The following UBR3 variants were observed in gnomAD, a reference collection of about 807,000 sequenced individuals.
UBR3 encodes E3 ubiquitin-protein ligase UBR3.
A neutral mutation model predicts 243.2 loss-of-function variants in UBR3; 85 were observed. The observed-to-expected ratio is 0.35, with a 90% confidence interval of 0.29 to 0.42. UBR3 has a LOEUF of 0.42. Among genes scored for constraint, UBR3 ranks in the 10% least tolerant of loss-of-function variants. The pLI is 1.00. For synonymous variants in UBR3, 748 were observed against 799.8 expected, an observed-to-expected ratio of 0.94 and a Z score of 1.09; for missense variants, 1,686 against 2,300.8, an observed-to-expected ratio of 0.73 and a Z score of 5.47.
intron 10 of UBR3, among the ~76,000 whole-genome samples, chr2:169,908,460 A>G (rs1207576563): frequency 6.6e-6 from 1 of 152,202 alleles, no homozygotes; most frequent in Non-Finnish European, 1.5e-5. Context: ...AGAAACTGTC[A>G]TATAATATGA....
intron 23 of UBR3, among the ~76,000 whole-genome samples, chr2:169,958,232 T>C (rs531702840): frequency 2.4e-4 from 36 of 152,350 alleles, no homozygotes; most frequent in Admixed American, 1.2e-3. Context: ...TTTTTATCTA[T>C]TAAACCAGTG....
intron 21 of UBR3, 118 bp downstream of exon 21, chr2:169,946,510 G>A: frequency 2.3e-6 from 1 of 430,650 alleles, no homozygotes; most frequent in Non-Finnish European, 4.2e-6. Context: ...TTAGGAAAAT[G>A]TATTTGTGAA....
intron 1 of UBR3, among the ~76,000 whole-genome samples, chr2:169,853,123 A>G (rs1298876936): frequency 1.3e-5 from 2 of 152,182 alleles, no homozygotes; most frequent in African/African-American, 4.8e-5. Context: ...TTTGAATTCC[A>G]GTTTGAAAGG....
At position 170,045,327 on chromosome 2, in the gene UBR3, AGGGAGTTAAAATTAT is replaced by A. The variant is rs537695400; in HGVS notation, c.4660+4356_4660+4370del. Among the ~76,000 whole-genome samples, 105 of 152,218 alleles carry A rather than the reference AGGGAGTTAAAATTAT, an allele frequency of 6.9e-4. 2 individuals are homozygous for A. The South Asian group carries it at 0.021, about 31-fold the overall frequency. ...CCCACTGGGTCCCTCCCACAACACG[AGGGAGTTAAAATTAT>A]GGGAGTTAAAATTCAAGATGAGATT... On this transcript the variant is annotated intron_variant, in intron 32 of 38. Coordinates refer to ENST00000272793, the MANE Select transcript of UBR3 (RefSeq NM_172070.4).
chr2:169,988,630 C>G (rs762869738), intron 25 of UBR3, among the ~76,000 whole-genome samples: 2 of 151,946 alleles, frequency 1.3e-5, no homozygotes, highest in Non-Finnish European at 2.9e-5. Context: ...CACAGTAAGA[C>G]CCTGTCTCTA....
chr2:169,981,125 A>G (rs2088709195), intron 24 of UBR3, among the ~76,000 whole-genome samples: 1 of 152,148 alleles, frequency 6.6e-6, no homozygotes, highest in South Asian at 2.1e-4. Flanking sequence ...TTGAATAAAT[A>G]AGGTAGCATA....
chr2:170,027,912 C>T (rs920269699), intron 30 of UBR3, among the ~76,000 whole-genome samples: 1 of 151,832 alleles, frequency 6.6e-6, no homozygotes, highest in Non-Finnish European at 1.5e-5. Flanking sequence ...ATTTGGGAAA[C>T]TTAACTTGCC....
At chr2:169,948,164 G>C (rs2086859505) in intron 22 of UBR3, among the ~76,000 whole-genome samples, 2 of 151,508 alleles carry the variant, frequency 1.3e-5, no homozygotes, top group South Asian at 2.1e-4. Context: ...GAGTATAATA[G>C]TGTATTTTTC....
intron 29 of UBR3, among the ~76,000 whole-genome samples, chr2:170,010,967 C>T (rs539246130): frequency 2.7e-4 from 41 of 151,754 alleles, no homozygotes; most frequent in African/African-American, 8.7e-4. Context: ...GTTTGAGACC[C>T]GCCTGGACAA....
intron 18 of UBR3, 93 bp downstream of exon 18, chr2:169,928,961 C>A: frequency 9.0e-7 from 1 of 1,113,860 alleles, no homozygotes; most frequent in Non-Finnish European, 1.2e-6. Flanking sequence ...ACCTTTTATT[C>A]GTTCAAGCTT....
At chr2:170,014,107 T>TC (rs1230138342) in intron 29 of UBR3, 2 of 275,632 alleles carry the variant, frequency 7.3e-6, no homozygotes, top group Non-Finnish European at 1.5e-5. Flanking sequence ...AATTGCTTTT[T>TC]CTCCCACCCT....
At chr2:169,890,172 C>T (rs111304468) in intron 5 of UBR3, among the ~76,000 whole-genome samples, 1 of 152,178 alleles carries the variant, frequency 6.6e-6, no homozygotes, top group African/African-American at 2.4e-5. Context: ...ACCTTTTCAG[C>T]ACCATACTAA....
At chr2:170,028,746 C>T (rs1158842012) in intron 30 of UBR3, among the ~76,000 whole-genome samples, 1 of 149,932 alleles carries the variant, frequency 6.7e-6, no homozygotes, top group East Asian at 1.9e-4. Context: ...ATGTCATGAG[C>T]AGAATTTTGT....
chr2:169,877,042 CA>C (rs1417241569), intron 3 of UBR3, among the ~76,000 whole-genome samples: 1 of 152,122 alleles, frequency 6.6e-6, no homozygotes, highest in Non-Finnish European at 1.5e-5. Context: ...TATTGTTATA[CA>C]AAACATTCAT....
chr2:170,060,221 G>T (rs1239492080), intron 33 of UBR3, among the ~76,000 whole-genome samples: 1 of 151,926 alleles, frequency 6.6e-6, no homozygotes, highest in Admixed American at 6.6e-5. Context: ...ATGGTAATTT[G>T]CATGTTACAC....
intron 24 of UBR3, among the ~76,000 whole-genome samples, chr2:169,971,144 C>T (rs1168749622): frequency 1.2e-4 from 18 of 151,324 alleles, no homozygotes; most frequent in East Asian, 3.9e-4. Context: ...TGTCTGTTCA[C>T]GTCCTTCGCC....
intron 24 of UBR3, among the ~76,000 whole-genome samples, chr2:169,969,694 G>A (rs1042057659): frequency 6.6e-6 from 1 of 151,654 alleles, no homozygotes; most frequent in Admixed American, 6.6e-5. Flanking sequence ...GACAACAGGC[G>A]CCTGCCACCA....
intron 5 of UBR3, among the ~76,000 whole-genome samples, chr2:169,879,808 T>A (rs2083753385): frequency 6.6e-6 from 1 of 152,200 alleles, no homozygotes; most frequent in Non-Finnish European, 1.5e-5. Context: ...AAATTTTGCT[T>A]CTGTTTTGTA....
At chr2:169,851,722 TA>T (rs528608092) in intron 1 of UBR3, among the ~76,000 whole-genome samples, 64 of 151,178 alleles carry the variant, frequency 4.2e-4, no homozygotes, top group East Asian at 2.0e-3. Context: ...AAACTAGTAC[TA>T]GTGACTCAGG....
Sources: gnomAD v4.1 joint callset for allele counts (sites outside exome capture counted in the v4.1 genomes callset) on GRCh38, gnomAD v4.1.1 for gene constraint, MANE v1.5 for transcripts, NCBI Gene and HGNC (gene_info 2026-07-23, HGNC 2026-07-21) for gene names.